Variants in CCDC194 observed in about 807,000 individuals in gnomAD.
CCDC194 encodes the protein coiled-coil domain containing 194.
In CCDC194, 8 loss-of-function variants were observed where a neutral mutation model predicts 4.9. The observed-to-expected ratio is 1.65, with a 90% CI of 0.97 to 2.97. The LOEUF (loss-of-function observed/expected upper bound fraction) is 2.97, where lower values mean the gene tolerates loss of function less well. Ranked by LOEUF, CCDC194 falls within the 30% of genes most tolerant of loss-of-function variation. The pLI is 0.00. For missense variants in CCDC194, 52 were observed against 43.1 expected (o/e 1.21, Z -0.58); for synonymous variants, 13 against 17.0 (o/e 0.76, Z 0.58).
chr19:17,387,395 C>T (rs2077461302), downstream of CCDC194, among the ~76,000 whole-genome samples: 1 of 151,648 alleles, frequency 6.6e-6, no homozygotes, highest in South Asian at 2.1e-4. Context: ...ATAAAAGTCC[C>T]CTCCCCAAGC....
chr19:17,393,377 T>A (rs1424818997), intron 1 of CCDC194, among the ~76,000 whole-genome samples: 1 of 5,330 alleles, frequency 1.9e-4, no homozygotes, highest in South Asian at 4.4e-3. Context: ...ACAGTGAGAC[T>A]TTTTTTTTTT....
chr19:17,390,340 G>C (rs879870900), downstream of CCDC194, among the ~76,000 whole-genome samples: 1 of 152,168 alleles, frequency 6.6e-6, no homozygotes, highest in Admixed American at 6.5e-5. The surrounding 1 kb of genome is among the most constrained non-coding windows in gnomAD (Gnocchi z 5.5). Context: ...TTTACATGGT[G>C]GGGGAGAGAG....
At chr19:17,390,401 A>G (rs2074649494), downstream of CCDC194, 1 of 383,150 alleles carries the variant, frequency 2.6e-6, no homozygotes. This position sits in a 1 kb window ranked among gnomAD's most constrained non-coding sequence, Gnocchi z 5.5. Context: ...TCCAGGGTCT[A>G]AAGCTGAGTG....
chr19:17,391,398 C>G (rs1411485800), intron 2 of CCDC194, 55 bp from the exon 3 acceptor site: 1 of 495,014 alleles, frequency 2.0e-6, no homozygotes, highest in Non-Finnish European at 3.5e-6. Flanking sequence ...ACCCGCCCCA[C>G]GCACGCCGGA....
At chr19:17,388,205 T>C (rs1404298448), downstream of CCDC194, among the ~76,000 whole-genome samples, 2 of 141,500 alleles carry the variant, frequency 1.4e-5, no homozygotes, top group Non-Finnish European at 3.1e-5. Flanking sequence ...TTTTTTTTTT[T>C]TTTTTTTTTT....
At chr19:17,392,928 C>T (rs1346652256) in intron 1 of CCDC194, among the ~76,000 whole-genome samples, 1 of 152,088 alleles carries the variant, frequency 6.6e-6, no homozygotes, top group Non-Finnish European at 1.5e-5. Flanking sequence ...CTGATACACT[C>T]GCCCTGGCTT....
At chr19:17,393,757 C>A in intron 1 of CCDC194, 78 bp downstream of exon 1, 1 of 391,512 alleles carries the variant, frequency 2.6e-6, no homozygotes, top group South Asian at 1.4e-4. Flanking sequence ...GGGAGGGAAC[C>A]CTGGAGTTGT....
intron 1 of CCDC194, 94 bp downstream of exon 1, chr19:17,393,741 G>T (rs963284409): frequency 5.1e-6 from 2 of 390,688 alleles, no homozygotes; most frequent in Non-Finnish European, 9.0e-6. Flanking sequence ...GGGAAACCGA[G>T]GCACAGGGAG....
In CCDC194 at chr19:17,391,192, G is replaced by A. The variant is rs2074653065; in HGVS notation, c.554+19C>T. ...TCCCCGTCCATCCGACCCCGCCCTC[G>A]GGCCAGCCCCTCACTCACAGGCGTT... is the stretch of plus-strand genomic sequence containing the variant. On this transcript the variant is annotated intron_variant, in intron 3 of 3. Coordinates refer to ENST00000636079, the Ensembl canonical transcript of CCDC194. 1.0e-5 allele frequency: 4 copies of A among 396,796 alleles called. No individual in the cohort carries two copies. The highest frequency in any genetic ancestry group is 6.3e-4 in the Middle Eastern group (1 of 1,578). The allele number at this position is 396,796 out of a possible 1,614,324, so 24.6% of individuals were successfully genotyped here. A position where few individuals can be genotyped will look rare whatever the true frequency, so the allele number is the denominator to read the frequency against.
exon 3 of CCDC194, chr19:17,391,335 C>A: frequency 2.3e-6 from 1 of 439,982 alleles, no homozygotes; most frequent in Non-Finnish European, 4.0e-6. Context: ...TCCCAGCGCG[C>A]CAGGGCCTCT....
At chr19:17,391,520 G>T in intron 2 of CCDC194, 177 bp from the exon 3 acceptor site, 1 of 962,216 alleles carries the variant, frequency 1.0e-6, no homozygotes, top group Non-Finnish European at 1.5e-6. Flanking sequence ...TCATAGGTTT[G>T]CATTGCTTTC....
downstream of CCDC194, among the ~76,000 whole-genome samples, chr19:17,389,033 TC>T (rs2074645266): frequency 1.3e-5 from 2 of 152,058 alleles, no homozygotes; most frequent in Non-Finnish European, 2.9e-5. Context: ...AGAGACAGGT[TC>T]TTGCTATGGT....
chr19:17,388,191 T>C (rs1007000037), downstream of CCDC194, among the ~76,000 whole-genome samples: 2 of 117,786 alleles, frequency 1.7e-5, no homozygotes, highest in African/African-American at 6.1e-5. Flanking sequence ...GCTCTTTTTT[T>C]CCTTTTTTTT....
chr19:17,387,858 ACTTTTT>A (rs1383295506), downstream of CCDC194, among the ~76,000 whole-genome samples: 3 of 151,984 alleles, frequency 2.0e-5, no homozygotes, highest in Admixed American at 6.6e-5. Flanking sequence ...ATGGACAGAC[ACTTTTT>A]CTTTTTCTGT....
intron 1 of CCDC194, among the ~76,000 whole-genome samples, chr19:17,392,543 T>G (rs1472574120): frequency 1.3e-5 from 2 of 152,114 alleles, no homozygotes; most frequent in Admixed American, 6.6e-5. Context: ...ATTGAATTTT[T>G]GGGGTATGTG....
exon 2 of CCDC194, chr19:17,391,831 G>C (rs1219356299): frequency 1.3e-6 from 2 of 1,533,386 alleles, no homozygotes; most frequent in Non-Finnish European, 8.7e-7. Context: ...GTCGTTAGTT[G>C]GGTCTGAAGC....
At chr19:17,389,095 C>T (rs2074645428), downstream of CCDC194, among the ~76,000 whole-genome samples, 1 of 152,208 alleles carries the variant, frequency 6.6e-6, no homozygotes, top group Non-Finnish European at 1.5e-5. Context: ...TTGCTGTGGC[C>T]TCCCAAAATG....
chr19:17,394,066 C>T, exon 1 of CCDC194: 2 of 389,708 alleles, frequency 5.1e-6, no homozygotes, highest in Non-Finnish European at 9.1e-6. Flanking sequence ...CTACCAGGGC[C>T]CCGCCGGCTG....
At chr19:17,391,976 T>G in intron 1 of CCDC194, 130 bp from the exon 2 acceptor site, 1 of 867,152 alleles carries the variant, frequency 1.2e-6, no homozygotes, top group Non-Finnish European at 1.7e-6. Context: ...GAATGTCCTT[T>G]GGGGCCTTGT....
Sources: allele counts gnomAD v4.1 joint callset (sites outside exome capture counted in the v4.1 genomes callset), GRCh38; gene constraint gnomAD v4.1.1; non-coding constraint Gnocchi (gnomAD v3.1); transcripts MANE v1.5; gene names NCBI Gene and HGNC (gene_info 2026-07-23, HGNC 2026-07-21).